GRIP1: variants seen among roughly 807,000 people sequenced by gnomAD.
The protein encoded by GRIP1 is glutamate receptor-interacting protein 1.
GRIP1 carries 45 observed loss-of-function variants against 129.9 expected under a neutral mutation model. That is an observed-to-expected ratio of 0.35 (90% CI 0.27 to 0.44). The LOEUF (loss-of-function observed/expected upper bound fraction) is 0.44. Ranked by LOEUF, GRIP1 falls within the 20% of genes least tolerant of loss-of-function variation. The pLI, the probability that GRIP1 is intolerant of heterozygous loss-of-function variation, is 1.00. For missense variants in GRIP1, 1,196 were observed against 1,396.8 expected, an observed-to-expected ratio of 0.86 and a Z score of 2.29; for synonymous variants, 530 against 520.8, an observed-to-expected ratio of 1.02 and a Z score of -0.24.
At chr12:66,882,199 G>A (rs2040489935) in intron 1 of GRIP1, among the ~76,000 whole-genome samples, 1 of 96,732 alleles carries the variant, frequency 1.0e-5, no homozygotes, top group Admixed American at 1.3e-4. Context: ...TAAACACATA[G>A]TGTGCCATCA....
intron 7 of GRIP1, among the ~76,000 whole-genome samples, chr12:66,469,755 C>T (rs905454041): frequency 6.6e-6 from 1 of 152,316 alleles, no homozygotes; most frequent in African/African-American, 2.4e-5. Flanking sequence ...CAGTAGCCCA[C>T]AGTTTCACTT....
intron 1 of GRIP1, among the ~76,000 whole-genome samples, chr12:66,659,532 T>C (rs1322928346): frequency 2.6e-5 from 4 of 152,260 alleles, no homozygotes; most frequent in Non-Finnish European, 4.4e-5. Flanking sequence ...CAGTGTCACA[T>C]AATCCTTGAG....
chr12:66,701,610 C>T (rs757736033), intron 1 of GRIP1, among the ~76,000 whole-genome samples: 5 of 152,160 alleles, frequency 3.3e-5, no homozygotes, highest in Admixed American at 6.6e-5. Flanking sequence ...TTTTTTCCTC[C>T]TCTGGATTCC....
intron 1 of GRIP1, among the ~76,000 whole-genome samples, chr12:66,972,047 G>C (rs2042083474): frequency 6.6e-6 from 1 of 152,158 alleles, no homozygotes; most frequent in Admixed American, 6.5e-5. Context: ...CCAATGGGTG[G>C]AATGGGAAAA....
At chr12:66,688,634 C>T (rs1423849816) in intron 1 of GRIP1, among the ~76,000 whole-genome samples, 4 of 152,040 alleles carry the variant, frequency 2.6e-5, no homozygotes, top group Non-Finnish European at 5.9e-5. Context: ...AAGTTCATTA[C>T]CAAAACCCAG....
chr12:66,409,635 A>G (rs1484886030), intron 15 of GRIP1, among the ~76,000 whole-genome samples: 23 of 152,244 alleles, frequency 1.5e-4, no homozygotes, highest in South Asian at 2.1e-4. Flanking sequence ...TCAGACACCA[A>G]TGAACATCCA....
At chr12:66,625,361 T>C (rs551138273) in intron 1 of GRIP1, among the ~76,000 whole-genome samples, 88 of 152,306 alleles carry the variant, frequency 5.8e-4, no homozygotes, top group Admixed American at 2.5e-3. Context: ...ACAGACATAT[T>C]TTCACATACG....
chr12:66,450,120 G>A (rs1386309586), intron 11 of GRIP1, among the ~76,000 whole-genome samples: 1 of 151,700 alleles, frequency 6.6e-6, no homozygotes, highest in Non-Finnish European at 1.5e-5. Flanking sequence ...CTAACAGCGT[G>A]AAACCCCATC....
intron 7 of GRIP1, among the ~76,000 whole-genome samples, chr12:66,472,326 C>G (rs548483421): frequency 1.3e-5 from 2 of 152,132 alleles, no homozygotes; most frequent in Non-Finnish European, 2.9e-5. Context: ...TCTAGTAACC[C>G]CTTGGGATCC....
At chr12:66,785,331 C>CAT (rs1180271589) in intron 1 of GRIP1, among the ~76,000 whole-genome samples, 13 of 35,046 alleles carry the variant, frequency 3.7e-4, no homozygotes, top group Middle Eastern at 0.023. Context: ...TACATACATA[C>CAT]ATACATACAT....
At chr12:66,395,076 A>T (rs1252188640) in intron 16 of GRIP1, among the ~76,000 whole-genome samples, 3 of 152,214 alleles carry the variant, frequency 2.0e-5, no homozygotes, top group Non-Finnish European at 2.9e-5. Context: ...ACTGTCATAA[A>T]CTAATTTTGG....
intron 7 of GRIP1, among the ~76,000 whole-genome samples, chr12:66,475,891 T>G (rs1169585612): frequency 6.6e-6 from 1 of 152,052 alleles, no homozygotes; most frequent in Non-Finnish European, 1.5e-5. Context: ...GATCTAAAAT[T>G]GATACCCTAA....
intron 1 of GRIP1, among the ~76,000 whole-genome samples, chr12:66,924,143 C>T (rs2041258155): frequency 6.6e-6 from 1 of 152,140 alleles, no homozygotes. Context: ...CCATGCCCAG[C>T]CAATTTTTTG....
At chr12:66,983,106 T>A (rs373640028) in intron 1 of GRIP1, among the ~76,000 whole-genome samples, 30 of 152,288 alleles carry the variant, frequency 2.0e-4, no homozygotes, top group Admixed American at 3.9e-4. Flanking sequence ...GCACAAAACC[T>A]ATATGAACTT....
chr12:66,715,517 A>AGAGAGAGAGAGAGAGAGAGAGAG (rs1205183269), intron 1 of GRIP1, among the ~76,000 whole-genome samples: 1 of 143,972 alleles, frequency 6.9e-6, no homozygotes, highest in Non-Finnish European at 1.5e-5. Flanking sequence ...AGAGAGAGAG[A>AGAGAGAGAGAGAGAGAGAGAGAG]ACTGTCTCCC....
rs139184499 is a variant in GRIP1 at position 66,754,760 on chromosome 12, A to G, written c.-420+49293T>C. ...CCATTTTCATGTAGGAGAAATGAAAACGGGAGGATAGAAAGTAATAAGAGG... is the reference window on the plus strand; with the variant it reads ...CCATTTTCATGTAGGAGAAATGAAAGCGGGAGGATAGAAAGTAATAAGAGG... On this transcript the variant is annotated intron_variant, in intron 1 of 4. Coordinates refer to the GRIP1 transcript ENST00000538373. Among the ~76,000 whole-genome samples, 3 of 152,164 alleles carry G rather than the reference A, an allele frequency of 2.0e-5. No individual in the cohort carries two copies. In the South Asian group the frequency reaches 6.2e-4, roughly 32 times the overall value.
intron 1 of GRIP1, among the ~76,000 whole-genome samples, chr12:66,715,552 G>C (rs1281124511): frequency 2.0e-5 from 3 of 151,260 alleles, no homozygotes; most frequent in Non-Finnish European, 4.4e-5. Context: ...CTGTGGGCAG[G>C]AGCATTTCTT....
At chr12:66,597,125 A>C (rs1240599170) in intron 1 of GRIP1, among the ~76,000 whole-genome samples, 198 bp from the exon 2 acceptor site, 1 of 152,174 alleles carries the variant, frequency 6.6e-6, no homozygotes, top group Non-Finnish European at 1.5e-5. Context: ...TTCCCCTATA[A>C]AAGAGAGATA....
chr12:66,725,556 T>C (rs1028692512), intron 1 of GRIP1, among the ~76,000 whole-genome samples: 6 of 152,132 alleles, frequency 3.9e-5, no homozygotes, highest in Non-Finnish European at 5.9e-5. Flanking sequence ...ATATTATGAA[T>C]ATCTTTTAAA....
Sources: gnomAD v4.1 joint callset for allele counts (sites outside exome capture counted in the v4.1 genomes callset) on GRCh38, gnomAD v4.1.1 for gene constraint, MANE v1.5 for transcripts, NCBI Gene and HGNC (gene_info 2026-07-23, HGNC 2026-07-21) for gene names.